The following TCERG1L variants were observed in gnomAD, a reference collection of about 807,000 sequenced individuals.
The protein encoded by TCERG1L is transcription elongation regulator 1 like.
In TCERG1L, 37 loss-of-function variants were observed where a neutral mutation model predicts 56.3. The observed-to-expected ratio is 0.66, with a 90% CI of 0.51 to 0.87. The LOEUF is 0.87. TCERG1L is among the 40% of genes least tolerant of loss of function. TCERG1L has a pLI of 0.00. For missense variants in TCERG1L, 799 were observed against 774.2 expected (o/e 1.03, Z -0.38); for synonymous variants, 324 against 326.3 (o/e 0.99, Z 0.08).
intron 3 of TCERG1L, among the ~76,000 whole-genome samples, chr10:131,279,440 C>T (rs779129447): frequency 6.6e-6 from 1 of 152,174 alleles, no homozygotes; most frequent in Non-Finnish European, 1.5e-5. Context: ...TGAGCCCATT[C>T]CAGGCTTCAC....
intron 4 of TCERG1L, among the ~76,000 whole-genome samples, chr10:131,182,634 C>G (rs1205215725): frequency 6.6e-6 from 1 of 152,188 alleles, no homozygotes; most frequent in African/African-American, 2.4e-5. Context: ...GTTATGGTAG[C>G]CTGTGATTTA....
intron 10 of TCERG1L, among the ~76,000 whole-genome samples, chr10:131,101,337 C>T (rs1170526411): frequency 6.6e-6 from 1 of 152,222 alleles, no homozygotes; most frequent in Admixed American, 6.5e-5. Flanking sequence ...AAGAGATGTG[C>T]CGTAGCATGT....
chr10:131,217,198 C>G (rs936603399), intron 4 of TCERG1L, among the ~76,000 whole-genome samples: 3 of 152,048 alleles, frequency 2.0e-5, no homozygotes, highest in African/African-American at 7.2e-5. Flanking sequence ...ATGCTATTCT[C>G]GTGACAGTGA....
chr10:131,170,436 G>A (rs547960908), intron 4 of TCERG1L, among the ~76,000 whole-genome samples: 2 of 152,016 alleles, frequency 1.3e-5, no homozygotes, highest in South Asian at 2.1e-4. Context: ...ATGTATTTCC[G>A]CCCTCCGAGA....
chr10:131,252,165 G>A (rs1846118279), intron 4 of TCERG1L, among the ~76,000 whole-genome samples: 1 of 152,088 alleles, frequency 6.6e-6, no homozygotes. Flanking sequence ...CCCATCAATG[G>A]ACGCTCGGAT....
intron 4 of TCERG1L, among the ~76,000 whole-genome samples, chr10:131,188,263 T>C (rs1845267495): frequency 6.6e-6 from 1 of 152,194 alleles, no homozygotes; most frequent in Non-Finnish European, 1.5e-5. Context: ...GTGGAAATAG[T>C]GGGTACTGAA....
intron 6 of TCERG1L, among the ~76,000 whole-genome samples, chr10:131,158,987 GACTCGACCCCT>G (rs1394547867): frequency 2.0e-5 from 3 of 152,238 alleles, no homozygotes; most frequent in African/African-American, 7.2e-5. Context: ...GGCCTTCTAA[GACTCGACCCCT>G]GCCCACCATC....
intron 4 of TCERG1L, among the ~76,000 whole-genome samples, chr10:131,224,144 G>A (rs913502904): frequency 6.6e-6 from 1 of 151,852 alleles, no homozygotes; most frequent in African/African-American, 2.4e-5. Context: ...TCTCTTTCCA[G>A]TTATCCCCCT....
intron 3 of TCERG1L, among the ~76,000 whole-genome samples, chr10:131,289,228 C>T (rs967855259): frequency 2.6e-5 from 4 of 151,102 alleles, no homozygotes; most frequent in African/African-American, 9.7e-5. Context: ...ATCTTCATTT[C>T]GTGAGCGTCA....
At chr10:131,247,159 A>G (rs1318293475) in intron 4 of TCERG1L, among the ~76,000 whole-genome samples, 1 of 152,222 alleles carries the variant, frequency 6.6e-6, no homozygotes, top group African/African-American at 2.4e-5. Flanking sequence ...ATAGGCACAC[A>G]TCCACACCAC....
At chr10:131,139,802 G>T (rs77397308) in intron 7 of TCERG1L, among the ~76,000 whole-genome samples, 6,866 of 150,754 alleles carry the variant, frequency 0.046, 293 homozygotes, top group African/African-American at 0.093. Context: ...GTGTGTCTGT[G>T]TGCGTATATG....
intron 4 of TCERG1L, among the ~76,000 whole-genome samples, chr10:131,237,209 C>T (rs1179041199): frequency 2.6e-5 from 4 of 152,114 alleles, no homozygotes; most frequent in African/African-American, 9.7e-5. Flanking sequence ...AACCCCTCAC[C>T]CTCCAAGCTT....
rs116449185 is a variant in TCERG1L at position 131,242,610 on chromosome 10, G to A, written c.856+17649C>T. ...ATAGGAAATGCTTGCAACCAGAAGC[G>A]TTTCAGATTTCAGGGTTTTTTTCCA... On this transcript the variant is annotated intron_variant, in intron 4 of 11. Coordinates refer to ENST00000368642, the MANE Select transcript of TCERG1L (RefSeq NM_174937.4). 7.4e-3 allele frequency among the ~76,000 whole-genome samples: 1,134 copies of A among 152,286 alleles called. 13 individuals are homozygous for A. The highest frequency in any genetic ancestry group is 0.026 in the African/African-American group (1,066 of 41,550).
chr10:131,146,484 A>C (rs370163415), intron 7 of TCERG1L, 22 bp downstream of exon 7: 73 of 1,586,256 alleles, frequency 4.6e-5, no homozygotes, highest in Non-Finnish European at 6.0e-5. Flanking sequence ...AAGGAGGTGT[A>C]AATAACCCAG....
intron 3 of TCERG1L, among the ~76,000 whole-genome samples, chr10:131,290,665 A>C (rs186557218): frequency 4.5e-4 from 69 of 152,188 alleles, no homozygotes; most frequent in African/African-American, 1.5e-3. Context: ...TTAACATTAA[A>C]ACAAAACAAC....
intron 9 of TCERG1L, among the ~76,000 whole-genome samples, chr10:131,108,942 G>C (rs1845382318): frequency 6.6e-6 from 1 of 152,188 alleles, no homozygotes; most frequent in African/African-American, 2.4e-5. Context: ...GCTTCTTCAA[G>C]CCAGTGAGAG....
intron 4 of TCERG1L, among the ~76,000 whole-genome samples, chr10:131,170,851 T>C (rs997898515): frequency 6.6e-6 from 1 of 152,088 alleles, no homozygotes; most frequent in Non-Finnish European, 1.5e-5. Context: ...AATATCTCTT[T>C]AAGAAAAGTG....
chr10:131,233,457 G>GAC (rs143588165), intron 4 of TCERG1L, among the ~76,000 whole-genome samples: 50 of 149,982 alleles, frequency 3.3e-4, no homozygotes, highest in Middle Eastern at 3.4e-3. Context: ...CATGCACACA[G>GAC]ACACACACAC....
chr10:131,121,085 T>C (rs1475421061), intron 8 of TCERG1L, among the ~76,000 whole-genome samples: 1 of 152,130 alleles, frequency 6.6e-6, no homozygotes, highest in African/African-American at 2.4e-5. Context: ...ACACAATCAT[T>C]TGAGAGACTC....
Sources: allele counts gnomAD v4.1 joint callset (sites outside exome capture counted in the v4.1 genomes callset), GRCh38; gene constraint gnomAD v4.1.1; transcripts MANE v1.5; gene names NCBI Gene and HGNC (gene_info 2026-07-23, HGNC 2026-07-21).